The following RBFOX1 variants were observed in gnomAD, a reference collection of about 807,000 sequenced individuals.
The protein encoded by RBFOX1 is RNA binding fox-1 homolog 1.
Under a neutral mutation model 57.7 loss-of-function variants are expected in RBFOX1, and 8 were observed. That is an observed-to-expected ratio of 0.14 (90% confidence interval 0.08 to 0.25). RBFOX1 has a LOEUF of 0.25. Ranked by LOEUF, RBFOX1 falls within the 10% of genes least tolerant of loss-of-function variation. The probability of loss-of-function intolerance (pLI) is 1.00; values close to 1 mark genes in which losing one functional copy is unlikely to be tolerated. For missense variants in RBFOX1, 611 were observed against 548.5 expected (o/e 1.11, Z -1.14); for synonymous variants, 326 against 222.4 (o/e 1.47, Z -4.15).
chr16:6,237,961 C>T (rs1038990120), intron 1 of RBFOX1, among the ~76,000 whole-genome samples: 4 of 150,718 alleles, frequency 2.7e-5, no homozygotes, highest in African/African-American at 7.3e-5. Context: ...CGTGGTGATG[C>T]GTGCCTGTAG....
intron 14 of RBFOX1, among the ~76,000 whole-genome samples, chr16:7,699,736 T>A (rs2148045486): frequency 6.6e-6 from 1 of 150,602 alleles, no homozygotes; most frequent in African/African-American, 2.4e-5. Context: ...GAGTTCACCT[T>A]TTTTTTTTAC....
At chr16:6,220,297 G>C (rs868000103) in intron 1 of RBFOX1, among the ~76,000 whole-genome samples, 2 of 151,916 alleles carry the variant, frequency 1.3e-5, no homozygotes, top group Admixed American at 6.6e-5. Flanking sequence ...TTGCTAAATT[G>C]ACTAATGCAG....
chr16:7,396,173 C>T (rs1597379496), intron 4 of RBFOX1, among the ~76,000 whole-genome samples: 1 of 152,036 alleles, frequency 6.6e-6, no homozygotes, highest in African/African-American at 2.4e-5. Flanking sequence ...GAAGACAGTG[C>T]CTTCTTTTCC....
chr16:6,933,413 A>G (rs911397182), intron 3 of RBFOX1, among the ~76,000 whole-genome samples: 1 of 152,360 alleles, frequency 6.6e-6, no homozygotes, highest in East Asian at 1.9e-4. Flanking sequence ...TTCAATTTTC[A>G]GAAATAATGG....
chr16:5,773,034 A>T (rs1420735006), intron 3 of RBFOX1, among the ~76,000 whole-genome samples: 1 of 152,090 alleles, frequency 6.6e-6, no homozygotes, highest in Non-Finnish European at 1.5e-5. Flanking sequence ...AAAGGAAAAG[A>T]TGAAGTTGCG....
At chr16:7,449,652 A>G (rs1306814407) in intron 4 of RBFOX1, among the ~76,000 whole-genome samples, 3 of 144,308 alleles carry the variant, frequency 2.1e-5, no homozygotes, top group Middle Eastern at 3.6e-3. Context: ...TGGCTGTTAC[A>G]TAGTAGGTCT....
rs148637502 is a variant in RBFOX1, at chr16:6,002,270, C to T, written c.351+134935C>T. Among the ~76,000 whole-genome samples the T allele has an allele frequency of 9.8e-5, 15 of 152,324 alleles. No individual in the cohort carries two copies. In the East Asian group the frequency reaches 2.5e-3, roughly 25 times the overall value. The stretch of plus-strand genomic sequence containing the variant: ...CATTTTATAGGCATGAGCGACCGCT[C>T]GTGGCTACCATTTTCAACTTACGAT... On this transcript the variant is annotated intron_variant, in intron 4 of 19. Coordinates refer to the RBFOX1 transcript ENST00000641259.
chr16:7,491,634 T>G (rs943705257), intron 4 of RBFOX1, among the ~76,000 whole-genome samples: 12 of 151,962 alleles, frequency 7.9e-5, no homozygotes, highest in Admixed American at 5.9e-4. Context: ...GCTCTTTATT[T>G]TATCTATTTT....
intron 3 of RBFOX1, among the ~76,000 whole-genome samples, chr16:6,773,636 G>GTA (rs1485099362): frequency 1.4e-5 from 2 of 140,780 alleles, no homozygotes; most frequent in Non-Finnish European, 1.5e-5. Flanking sequence ...GCATTTGTGT[G>GTA]TGTATGTGTG....
chr16:5,326,875 G>A (rs17787815), intron 1 of RBFOX1, among the ~76,000 whole-genome samples: 7,694 of 152,262 alleles, frequency 0.051, 272 homozygotes, highest in Middle Eastern at 0.075. Flanking sequence ...AGAAAGCCCA[G>A]CACGAGCTCA....
chr16:6,707,978 A>C (rs977445708), intron 3 of RBFOX1, among the ~76,000 whole-genome samples: 1 of 152,042 alleles, frequency 6.6e-6, no homozygotes, highest in Non-Finnish European at 1.5e-5. Flanking sequence ...GTAAAAGAAA[A>C]CCTAGACATC....
intron 1 of RBFOX1, among the ~76,000 whole-genome samples, chr16:5,420,405 C>G (rs2067281491): frequency 1.3e-5 from 2 of 152,116 alleles, no homozygotes; most frequent in African/African-American, 4.8e-5. Flanking sequence ...CACACACACA[C>G]ACACACTCTC....
chr16:6,504,003 T>C (rs2096016780), intron 2 of RBFOX1, among the ~76,000 whole-genome samples: 1 of 152,244 alleles, frequency 6.6e-6, no homozygotes, highest in Non-Finnish European at 1.5e-5. Context: ...AAGAGCAGCC[T>C]TCTATTTGCT....
intron 4 of RBFOX1, among the ~76,000 whole-genome samples, chr16:7,185,392 G>A (rs1356100004): frequency 6.6e-6 from 1 of 152,110 alleles, no homozygotes; most frequent in African/African-American, 2.4e-5. Flanking sequence ...TAATGCATTT[G>A]ACAGAGATGG....
intron 4 of RBFOX1, among the ~76,000 whole-genome samples, chr16:7,453,710 C>T (rs946096735): frequency 2.0e-5 from 3 of 152,176 alleles, no homozygotes; most frequent in African/African-American, 7.2e-5. Context: ...TGTAAGACAG[C>T]ATCCTTGCCT....
chr16:5,324,353 C>T (rs890365701), intron 1 of RBFOX1, among the ~76,000 whole-genome samples: 1 of 152,188 alleles, frequency 6.6e-6, no homozygotes, highest in Non-Finnish European at 1.5e-5. Context: ...ATCCCAGCTA[C>T]TCAGGAGGCT....
At chr16:6,797,634 C>G (rs114898242) in intron 3 of RBFOX1, among the ~76,000 whole-genome samples, 2 of 152,110 alleles carry the variant, frequency 1.3e-5, no homozygotes, top group Non-Finnish European at 2.9e-5. Flanking sequence ...ATACTGGGCA[C>G]TGTATCTGTT....
At chr16:7,667,625 G>T (rs747411656) in intron 13 of RBFOX1, among the ~76,000 whole-genome samples, 20 of 152,100 alleles carry the variant, frequency 1.3e-4, no homozygotes, top group African/African-American at 4.8e-4. Context: ...AATTGTCAGC[G>T]GCCCCGGGAT....
In RBFOX1 at chr16:6,915,293, T is replaced by A. The variant is rs186252582; in HGVS notation, c.-15-136764T>A. 1.2e-3 allele frequency among the ~76,000 whole-genome samples: 185 copies of A among 152,246 alleles called. 2 individuals are homozygous for A. The highest frequency in any genetic ancestry group is 0.011 in the Admixed American group (170 of 15,286). On this transcript the variant is annotated intron_variant, in intron 3 of 15. Transcript: ENST00000550418. ...CAAGAAGGGCCTGGGATTGTTTCCA[T>A]TCTCTGTGTTGCGGACTAGGGAGCT...
Sources: gnomAD v4.1 joint callset for allele counts (sites outside exome capture counted in the v4.1 genomes callset) on GRCh38, gnomAD v4.1.1 for gene constraint, MANE v1.5 for transcripts, NCBI Gene and HGNC (gene_info 2026-07-23, HGNC 2026-07-21) for gene names.